TFE3: variants seen among roughly 807,000 people sequenced by gnomAD.
TFE3 encodes transcription factor binding to IGHM enhancer 3.
Under a neutral mutation model 35.0 loss-of-function variants are expected in TFE3, and 5 were observed. That is an observed-to-expected ratio of 0.14 (90% CI 0.07 to 0.30). TFE3 has a LOEUF of 0.30. Among genes scored for constraint, TFE3 ranks in the 10% least tolerant of loss-of-function variants. TFE3 has a pLI of 1.00. For synonymous variants in TFE3, 211 were observed against 215.6 expected, an observed-to-expected ratio of 0.98 and a Z score of 0.18; for missense variants, 374 against 496.6, an observed-to-expected ratio of 0.75 and a Z score of 2.35.
At position 49,033,445 on chromosome X, in the gene TFE3, G is replaced by T; in HGVS notation, c.1136+20C>A. 1 of 1,207,126 alleles carries T rather than the reference G, an allele frequency of 8.3e-7. No individual in the cohort carries two copies. On this transcript the variant is annotated intron_variant, in intron 8 of 9. Coordinates refer to ENST00000315869, the MANE Select transcript of TFE3 (RefSeq NM_006521.6). ...CCTGCCCCACCTCCCGCTGGCCTGA[G>T]GGTCCCAGCCCAGACTCACGGGTCA... is the stretch of plus-strand genomic sequence containing the variant.
intron 5 of TFE3, 118 bp downstream of exon 5, chrX:49,037,892 T>C (rs2064739072): frequency 1.6e-6 from 1 of 637,864 alleles, no homozygotes; most frequent in Non-Finnish European, 2.4e-6. Context: ...AAGGCCTCCC[T>C]CTCTATCTTA....
chrX:49,030,278 C>G lies in TFE3; in HGVS notation c.1608G>C (p.Leu536=). 1 of 1,206,081 alleles carries G rather than the reference C, an allele frequency of 8.3e-7. No homozygotes were observed. The highest frequency in any genetic ancestry group is 1.1e-6 in the Non-Finnish European group (1 of 892,646). ...MEEEEGVVGG[L]SGGALSPLRA... is the part of the protein sequence containing the mutation. The stretch of plus-strand genomic sequence containing the variant: ...GCAGTGGGGACAGGGCACCCCCCGA[C>G]AGTCCTCCCACCACCCCCTCCTCCT... Residue 536 remains leucine (L), a synonymous_variant, in exon 10 of 10, where the codon CTG becomes CTC. Coordinates refer to ENST00000315869, the MANE Select transcript of TFE3 (RefSeq NM_006521.6).
At chrX:49,036,095 C>T (rs782655294) in intron 5 of TFE3, among the ~76,000 whole-genome samples, 38 of 109,931 alleles carry the variant, frequency 3.5e-4, no homozygotes, top group Admixed American at 2.0e-3. Flanking sequence ...CACTTGAGCC[C>T]GGAAGGTGGA....
chrX:49,030,015 G>A lies in TFE3; in HGVS notation c.*143C>T, dbSNP rs1379552847. ...CTCCTCCTCCTTGCCTGATTACAGGGGTGGGGCCTGATCACATCTCCTCTT... is the reference window on the plus strand; with the variant it reads ...CTCCTCCTCCTTGCCTGATTACAGGAGTGGGGCCTGATCACATCTCCTCTT... On this transcript the variant is annotated 3_prime_UTR_variant, in exon 10 of 10. Coordinates refer to ENST00000315869, the MANE Select transcript of TFE3 (RefSeq NM_006521.6). The A allele has an allele frequency of 1.1e-5, 7 of 640,596 alleles. No individual in the cohort carries two copies. Among genetic ancestry groups the A allele is most frequent in the Non-Finnish European group, 1.7e-5 (7 of 410,033 alleles). 52.8% of individuals were successfully genotyped at this position (640,596 alleles called of 1,213,427 possible).
Position 49,031,424 on chromosome X carries a change from G to C in TFE3, c.1257C>G (p.Ala419=), listed in dbSNP as rs2064699277. The part of the protein sequence containing the change: ...LESRQRSLEQ[A]NRSLQLRIQE... ...GAATTCGGAGCTGCAGGCTGCGGTT[G>C]GCCTGCTCCAGGGATCGCTGCCGGC... The change falls in exon 9 of 10, where the codon GCC becomes GCG. Residue 419 remains alanine (A), a synonymous_variant. Transcript: ENST00000315869. 8.3e-7 allele frequency: 1 copy of C among 1,202,797 alleles called. No individual in the cohort carries two copies. Among genetic ancestry groups the C allele is most frequent in the Non-Finnish European group, 1.1e-6 (1 of 890,665 alleles).
intron 4 of TFE3, 31 bp downstream of exon 4, chrX:49,038,166 T>A (rs2147776137): frequency 8.3e-7 from 1 of 1,211,515 alleles, no homozygotes; most frequent in South Asian, 1.8e-5. Flanking sequence ...GGGAGGGGAA[T>A]GTGGGAGGAG....
In TFE3 at chrX:49,039,381, G is replaced by C; in HGVS notation, c.260C>G (p.Ala87Gly). The C allele has an allele frequency of 8.3e-7, 1 of 1,201,320 alleles. No individual in the cohort carries two copies. The highest frequency in any genetic ancestry group is 1.1e-6 in the Non-Finnish European group (1 of 890,071). The change falls in exon 3 of 10, where the codon GCC becomes GGC. Residue 87 changes from alanine (A) to glycine (G), a missense_variant. Physicochemically the swap from Ala to Gly is moderately conservative, Grantham distance 60 (BLOSUM62 0). Around this residue, in one of 3 missense-constraint regions of TFE3, gnomAD observed 90 missense variants for 87.5 expected, o/e 1.03. Coordinates refer to ENST00000315869, the MANE Select transcript of TFE3 (RefSeq NM_006521.6). ...SLPISLQATP[A>G]TPATLSASSS... is the part of the protein sequence containing the mutation. ...CGATGCAGAGAGTGTAGCTGGGGTG[G>C]CTGGTGTGGCCTGCAGTGATATTGG...
intron 1 of TFE3, among the ~76,000 whole-genome samples, chrX:49,040,936 CT>C (rs201030170): frequency 0.074 from 7,206 of 97,812 alleles, 802 homozygotes; most frequent in African/African-American, 0.26. Context: ...ATACCCCCTA[CT>C]TTTTTTTTTT....
rs781849100 is a variant in TFE3 at position 49,040,654 on chromosome X, A to G, written c.117-86T>C. On this transcript the variant is annotated intron_variant, in intron 1 of 9. Coordinates refer to ENST00000315869, the MANE Select transcript of TFE3 (RefSeq NM_006521.6). ...CCCTGAGACAGAGAAAGAGAGAGAG[A>G]GGGGGGGAGAACGAAGAGGAGGGTA... The G allele has an allele frequency of 2.0e-3, 1,277 of 644,235 alleles. 19 individuals carry two copies. In the African/African-American group the frequency reaches 0.026, roughly 13 times the overall value. The allele number at this position is 644,235 out of a possible 1,213,427, so 53.1% of individuals were successfully genotyped here. A position where few individuals can be genotyped will look rare whatever the true frequency, so the allele number is the denominator to read the frequency against.
At chrX:49,035,805 A>G (rs1223181652) in intron 5 of TFE3, among the ~76,000 whole-genome samples, 1 of 110,824 alleles carries the variant, frequency 9.0e-6, no homozygotes, top group African/African-American at 3.3e-5. Flanking sequence ...AATTAGTCCC[A>G]TTTTTATACA....
At position 49,030,200 on chromosome X, in the gene TFE3, G is replaced by A. The variant is rs2064690881; in HGVS notation, c.1686C>T (p.Ala562=). 8.3e-7 allele frequency: 1 copy of A among 1,207,379 alleles called. No homozygotes were observed. The highest frequency in any genetic ancestry group is 3.0e-5 in the East Asian group (1 of 33,736). Residue 562 remains alanine, a synonymous_variant, in exon 10 of 10, where the codon GCC becomes GCT. Transcript: ENST00000315869. ...TGCTGAAGCTGCTGCGGCGGCTGCT[G>A]GCCTTGGAGACAGCAGGGGACACTG... ...LSSVSPAVSK[A]SSRRSSFSME...
chrX:49,040,852 A>T (rs968273677), intron 1 of TFE3, among the ~76,000 whole-genome samples: 3 of 108,839 alleles, frequency 2.8e-5, no homozygotes, highest in Non-Finnish European at 5.7e-5. Context: ...GGTTTGAGGA[A>T]AACAGAATTT....
chrX:49,043,156 A>C lies in TFE3; in HGVS notation c.71T>G (p.Val24Gly). 5.0e-6 allele frequency: 6 copies of C among 1,194,445 alleles called. No homozygotes were observed. The highest frequency in any genetic ancestry group is 6.7e-6 in the Non-Finnish European group (6 of 889,354). ...GGCCGGCCTGCGCTCCTCCAACAGC[A>C]CGAACACGGCTCGAGGGCCCTCCGC... Reference protein sequence around the residue: ...ASAEGPRAVFVLLEERRPADS... With the variant: ...ASAEGPRAVFGLLEERRPADS... The change falls in exon 1 of 10, where the codon GTG becomes GGG. Residue 24 changes from valine to glycine, a missense_variant. Physicochemically the swap from Val to Gly is moderately radical, Grantham distance 109. Around this residue, in one of 3 missense-constraint regions of TFE3, gnomAD observed 90 missense variants for 87.5 expected, o/e 1.03. Coordinates refer to ENST00000315869, the MANE Select transcript of TFE3 (RefSeq NM_006521.6).
intron 9 of TFE3, 107 bp downstream of exon 9, chrX:49,031,290 G>T: frequency 2.1e-6 from 2 of 935,479 alleles, no homozygotes; most frequent in Non-Finnish European, 2.9e-6. Flanking sequence ...GAAGCCCAGG[G>T]ATCCCCCAAG....
In TFE3 at chrX:49,028,876, G is replaced by C. The variant is rs192133171; in HGVS notation, c.*1282C>G. ...GTAGGTATGAGGGGTGGGAATGGAG[G>C]GGGGAGTGTCTCTTGATAACTCTGA... On this transcript the variant is annotated 3_prime_UTR_variant, in exon 10 of 10. Coordinates refer to ENST00000315869, the MANE Select transcript of TFE3 (RefSeq NM_006521.6). 26 of 172,468 alleles carry C rather than the reference G, an allele frequency of 1.5e-4. No homozygotes were observed. Among genetic ancestry groups the C allele is most frequent in the East Asian group, 1.1e-3 (13 of 12,210 alleles). The allele number at this position is 172,468 out of a possible 1,213,427, so 14.2% of individuals were successfully genotyped here.
rs781953839 is a variant in TFE3, at chrX:49,039,212, G to A, written c.429C>T (p.Pro143=). The A allele has an allele frequency of 8.3e-7, 1 of 1,208,310 alleles. No homozygotes were observed. The highest frequency in any genetic ancestry group is 1.7e-5 in the African/African-American group (1 of 57,734). The change falls in exon 3 of 10, where the codon CCC becomes CCT. Residue 143 remains proline, a synonymous_variant. Transcript: ENST00000315869. ...TGGCAGGAGAGGCAGGTGCAGGACTGGGGAAGGGAGCCGCGGCGGCCTGTT... is the reference window on the plus strand; with the variant it reads ...TGGCAGGAGAGGCAGGTGCAGGACTAGGGAAGGGAGCCGCGGCGGCCTGTT... ...RREQAAAAPF[P]SPAPASPAIS...
intron 2 of TFE3, 150 bp downstream of exon 2, chrX:49,040,305 C>T: frequency 2.3e-6 from 1 of 430,863 alleles, no homozygotes; most frequent in South Asian, 3.7e-5. Flanking sequence ...TCCTGTGTGA[C>T]ATGCTCTTTC....
Position 49,043,107 on chromosome X carries a change from G to A in TFE3, c.116+4C>T. The A allele has an allele frequency of 8.6e-7, 1 of 1,166,197 alleles. No homozygotes were observed. On this transcript the variant is annotated splice_donor_region_variant and intron_variant, in intron 1 of 9. Coordinates refer to ENST00000315869, the MANE Select transcript of TFE3 (RefSeq NM_006521.6). ...GGCACTCCCAGCCCCAGGCGGCCCC[G>A]CACCTGAGCAGCTGAGCCGAGTCGG... is the stretch of plus-strand genomic sequence containing the variant.
Position 49,030,358 on chromosome X carries a change from G to C in TFE3, c.1528C>G (p.Leu510Val). 1 of 1,208,012 alleles carries C rather than the reference G, an allele frequency of 8.3e-7. No homozygotes were observed. The highest frequency in any genetic ancestry group is 3.0e-5 in the East Asian group (1 of 33,649). Residue 510 changes from leucine (L) to valine (V), a missense_variant, in exon 10 of 10, where the codon CTG (leucine) becomes GTG (valine). This residue lies in a region of TFE3 where 117 missense variants were observed against 111.9 expected (regional missense o/e 1.05). Coordinates refer to ENST00000315869, the MANE Select transcript of TFE3 (RefSeq NM_006521.6). ...TGGAAGGGGTCTCCCAGGTCCCCCA[G>C]GTGGTCGCTGGGAAAGTGCAGGTCC... ...LLDLHFPSDH[L>V]GDLGDPFHLG...
Sources: gnomAD v4.1 joint callset for allele counts (sites outside exome capture counted in the v4.1 genomes callset) on GRCh38, gnomAD v4.1.1 for gene constraint, gnomAD v4.1.1 regional missense constraint, MANE v1.5 for transcripts, NCBI Gene and HGNC (gene_info 2026-07-23, HGNC 2026-07-21) for gene names.